Variants in SLC24A2 observed in about 807,000 individuals in gnomAD.
SLC24A2 encodes sodium/potassium/calcium exchanger 2.
In SLC24A2, 36 loss-of-function variants were observed where a neutral mutation model predicts 62.0. The ratio of observed to expected loss-of-function variants is 0.58; its 90% confidence interval spans 0.44 to 0.77. The LOEUF (loss-of-function observed/expected upper bound fraction) is 0.77, where lower values mean the gene tolerates loss of function less well. Among genes scored for constraint, SLC24A2 ranks in the 30% least tolerant of loss-of-function variants. SLC24A2 has a pLI of 0.00. For synonymous variants in SLC24A2, 358 were observed against 294.0 expected (o/e 1.22, Z -2.23); for missense variants, 846 against 817.9 (o/e 1.03, Z -0.42).
the SLC24A2 span, among the ~76,000 whole-genome samples, chr9:19,923,256 C>T: frequency 6.6e-6 from 1 of 152,098 alleles, no homozygotes; most frequent in Non-Finnish European, 1.5e-5. Context: ...CCATACTTTC[C>T]TGCATTTCAT....
At chr9:20,096,522 A>G in the SLC24A2 span, among the ~76,000 whole-genome samples, 1 of 151,900 alleles carries the variant, frequency 6.6e-6, no homozygotes, top group Non-Finnish European at 1.5e-5. Context: ...TATTTTATAC[A>G]TCTCTCATTG....
At chr9:20,108,910 C>T in the SLC24A2 span, among the ~76,000 whole-genome samples, 1 of 151,846 alleles carries the variant, frequency 6.6e-6, no homozygotes, top group Non-Finnish European at 1.5e-5. Context: ...AGTCATGTGC[C>T]ATGTAAAAAC....
intron 2 of SLC24A2, among the ~76,000 whole-genome samples, chr9:19,781,562 A>G (rs1345094205): frequency 1.3e-5 from 2 of 152,186 alleles, no homozygotes; most frequent in African/African-American, 4.8e-5. Context: ...TCTGAATCAC[A>G]AGCAGTAACT....
At chr9:19,932,785 C>G in the SLC24A2 span, among the ~76,000 whole-genome samples, 1 of 152,156 alleles carries the variant, frequency 6.6e-6, no homozygotes, top group African/African-American at 2.4e-5. Flanking sequence ...CCTTTCCTAT[C>G]AGTTATAAGG....
Position 19,642,671 on chromosome 9 carries a change from C to CTTTTTTTTTT in SLC24A2, c.931-20382_931-20373dup. Among the ~76,000 whole-genome samples, 2 of 79,850 alleles carry CTTTTTTTTTT rather than the reference C, an allele frequency of 2.5e-5. 1 individual carries two copies. Among genetic ancestry groups the CTTTTTTTTTT allele is most frequent in the Non-Finnish European group, 4.9e-5 (2 of 40,580 alleles). The allele number at this position is 79,850 out of a possible 152,430, so 52.4% of individuals were successfully genotyped here. A position where few individuals can be genotyped will look rare whatever the true frequency, so the allele number is the denominator to read the frequency against. On this transcript the variant is annotated intron_variant, in intron 2 of 10. Coordinates refer to ENST00000341998, the MANE Select transcript of SLC24A2 (RefSeq NM_020344.4). ...AGAATGGTTTATATGAGAGCGTATT[C>CTTTTTTTTTT]TTTTTTTTTTTTTTTTTTTTTTTTT...
At chr9:20,071,802 C>T in the SLC24A2 span, among the ~76,000 whole-genome samples, 1 of 152,120 alleles carries the variant, frequency 6.6e-6, no homozygotes, top group Non-Finnish European at 1.5e-5. Flanking sequence ...AAGTCTGGGC[C>T]TCCAGAACTT....
At chr9:20,170,320 T>C in the SLC24A2 span, among the ~76,000 whole-genome samples, 1 of 151,876 alleles carries the variant, frequency 6.6e-6, no homozygotes, top group Non-Finnish European at 1.5e-5. Flanking sequence ...TGCAGAAGGG[T>C]AGCACTCCCA....
the SLC24A2 span, among the ~76,000 whole-genome samples, chr9:20,280,602 GT>G: frequency 2.0e-5 from 3 of 152,142 alleles, no homozygotes; most frequent in Non-Finnish European, 2.9e-5. Context: ...TTATGGTTTC[GT>G]TTTTGTTTTC....
chr9:19,560,460 C>A (rs992678056), intron 7 of SLC24A2, among the ~76,000 whole-genome samples: 22 of 152,158 alleles, frequency 1.4e-4, no homozygotes, highest in African/African-American at 5.3e-4. Flanking sequence ...TGTGCTCTCT[C>A]TCTGTCTCTA....
the SLC24A2 span, among the ~76,000 whole-genome samples, chr9:19,841,017 GT>G: frequency 1.3e-4 from 20 of 151,358 alleles, no homozygotes; most frequent in East Asian, 3.9e-4. Flanking sequence ...ATGGTTTATA[GT>G]TTTTTTTTAT....
At chr9:19,995,004 G>C in the SLC24A2 span, among the ~76,000 whole-genome samples, 1,350 of 151,690 alleles carry the variant, frequency 8.9e-3, 25 homozygotes, top group African/African-American at 0.032. Context: ...AATTTCAGTA[G>C]GAGGAAATGC....
the SLC24A2 span, among the ~76,000 whole-genome samples, chr9:20,030,542 C>A: frequency 3.3e-5 from 5 of 152,188 alleles, no homozygotes; most frequent in Non-Finnish European, 7.4e-5. Flanking sequence ...GGTCACTCAT[C>A]ACATTTCCTG....
At chr9:19,918,904 C>T in the SLC24A2 span, among the ~76,000 whole-genome samples, 1 of 152,174 alleles carries the variant, frequency 6.6e-6, no homozygotes, top group Non-Finnish European at 1.5e-5. Flanking sequence ...GCAACCACCA[C>T]ATAGAAGGTA....
chr9:19,530,016 G>C (rs1460345219), intron 8 of SLC24A2, among the ~76,000 whole-genome samples: 1 of 150,744 alleles, frequency 6.6e-6, no homozygotes, highest in Admixed American at 6.6e-5. Flanking sequence ...GCCTCCCAAA[G>C]TGCTAGGATT....
rs142769509 is a variant in SLC24A2 at position 19,579,873 on chromosome 9, C to T, written c.1130-2851G>A. On this transcript the variant is annotated intron_variant, in intron 5 of 10. Coordinates refer to ENST00000341998, the MANE Select transcript of SLC24A2 (RefSeq NM_020344.4). Reference sequence around the variant, plus strand: ...CCTGGAAGGGGAGCCATGCCCTCTGCCAGGAAGCATCTTTCAGAATAGTGT... The same window carrying T: ...CCTGGAAGGGGAGCCATGCCCTCTGTCAGGAAGCATCTTTCAGAATAGTGT... Among the ~76,000 whole-genome samples, 42 of 152,238 alleles carry T rather than the reference C, an allele frequency of 2.8e-4. No homozygotes were observed. The East Asian group carries it at 6.8e-3, about 25-fold the overall frequency.
At chr9:19,562,005 AGAAACCATTCTGTAATCCT>A (rs1563966685) in intron 7 of SLC24A2, among the ~76,000 whole-genome samples, 2 of 152,224 alleles carry the variant, frequency 1.3e-5, no homozygotes, top group African/African-American at 2.4e-5. Context: ...CGAGAGGCCA[AGAAACCATTCTGTAATCCT>A]GCAAAATGGT....
chr9:19,915,012 T>A, the SLC24A2 span, among the ~76,000 whole-genome samples: 3 of 152,156 alleles, frequency 2.0e-5, no homozygotes, highest in African/African-American at 4.8e-5. Flanking sequence ...TAGTTTTTAG[T>A]ATATTCACAA....
intron 2 of SLC24A2, among the ~76,000 whole-genome samples, chr9:19,772,612 C>A (rs992429524): frequency 2.0e-5 from 3 of 152,130 alleles, no homozygotes; most frequent in African/African-American, 7.2e-5. Flanking sequence ...ATAAGTCCAA[C>A]GTTATCATTA....
At chr9:19,681,922 G>C (rs1819734175) in intron 2 of SLC24A2, among the ~76,000 whole-genome samples, 1 of 152,122 alleles carries the variant, frequency 6.6e-6, no homozygotes, top group Non-Finnish European at 1.5e-5. Flanking sequence ...ATTTGAGAGA[G>C]GTGTAACAAA....
Sources: gnomAD v4.1 joint callset for allele counts (sites outside exome capture counted in the v4.1 genomes callset) on GRCh38, gnomAD v4.1.1 for gene constraint, MANE v1.5 for transcripts, NCBI Gene and HGNC (gene_info 2026-07-23, HGNC 2026-07-21) for gene names.